Variants in AIG1 observed in about 807,000 individuals in gnomAD.
AIG1 encodes the protein androgen-induced gene 1 protein.
AIG1 carries 23 observed loss-of-function variants against 31.4 expected under a neutral mutation model. That is an observed-to-expected ratio of 0.73 (90% confidence interval 0.53 to 1.04). The LOEUF (loss-of-function observed/expected upper bound fraction) is 1.04, where lower values mean the gene tolerates loss of function less well. AIG1 is among the 50% of genes least tolerant of loss of function. The pLI, the probability that AIG1 is intolerant of heterozygous loss-of-function variation, is 0.00. For missense variants in AIG1, 274 were observed against 295.0 expected (o/e 0.93, Z 0.52); for synonymous variants, 100 against 110.5 (o/e 0.90, Z 0.60).
chr6:143,101,141 G>A (rs1780239948), intron 1 of AIG1, among the ~76,000 whole-genome samples: 1 of 151,910 alleles, frequency 6.6e-6, no homozygotes, highest in African/African-American at 2.4e-5. Context: ...TTATTAAAGT[G>A]AGATGTCAGG....
At chr6:143,150,689 C>CA (rs1021049817) in intron 2 of AIG1, among the ~76,000 whole-genome samples, 6 of 151,008 alleles carry the variant, frequency 4.0e-5, no homozygotes, top group African/African-American at 9.7e-5. Flanking sequence ...GAGTCTCAAG[C>CA]AAAAAAAGGG....
At chr6:143,281,412 A>C (rs369201489) in intron 3 of AIG1, among the ~76,000 whole-genome samples, 2 of 152,352 alleles carry the variant, frequency 1.3e-5, no homozygotes, top group East Asian at 3.9e-4. Flanking sequence ...GTTCTTATGC[A>C]GTGATGATTT....
chr6:143,084,969 C>T (rs965194599), intron 1 of AIG1, among the ~76,000 whole-genome samples: 4 of 152,136 alleles, frequency 2.6e-5, no homozygotes, highest in Non-Finnish European at 2.9e-5. Flanking sequence ...TATCAGAGAT[C>T]GCCAAACTCT....
intron 3 of AIG1, among the ~76,000 whole-genome samples, chr6:143,183,102 G>C (rs1410959139): frequency 6.6e-6 from 1 of 152,062 alleles, no homozygotes; most frequent in Non-Finnish European, 1.5e-5. Context: ...CTACAGGTCA[G>C]CCTGGCTCAA....
In AIG1 at chr6:143,329,701, A is replaced by G. The variant is rs997868744; in HGVS notation, c.516-3581A>G. On this transcript the variant is annotated intron_variant, in intron 4 of 5. Transcript: ENST00000357847. This position sits in a 1 kb window ranked among gnomAD's most constrained non-coding sequence, Gnocchi z 4.9. Reference sequence around the variant, plus strand: ...GGATTTTTGTTTGTTTGTTTGTTTTATGACTCAAAAGCTAAGAATGGTTTT... The same window carrying G: ...GGATTTTTGTTTGTTTGTTTGTTTTGTGACTCAAAAGCTAAGAATGGTTTT... Among the ~76,000 whole-genome samples the G allele has an allele frequency of 1.3e-5, 2 of 152,152 alleles. No homozygotes were observed.
intron 2 of AIG1, among the ~76,000 whole-genome samples, chr6:143,139,409 C>T (rs1327141864): frequency 6.6e-6 from 1 of 151,666 alleles, no homozygotes; most frequent in Non-Finnish European, 1.5e-5. Context: ...TGCGCCAGGG[C>T]CTCCCGTGTC....
chr6:143,302,674 G>T (rs548846023), intron 4 of AIG1, among the ~76,000 whole-genome samples: 6 of 152,038 alleles, frequency 3.9e-5, no homozygotes, highest in African/African-American at 1.2e-4. Context: ...GAATAGTGCC[G>T]CAATAAACAT....
intron 2 of AIG1, among the ~76,000 whole-genome samples, chr6:143,137,325 CATATT>C (rs946067987): frequency 2.0e-4 from 31 of 152,284 alleles, no homozygotes; most frequent in African/African-American, 7.2e-4. Context: ...GTATAGCAGT[CATATT>C]AGATTAGGGC....
intron 1 of AIG1, among the ~76,000 whole-genome samples, chr6:143,077,543 G>A (rs1777844044): frequency 6.6e-6 from 1 of 152,202 alleles, no homozygotes; most frequent in South Asian, 2.1e-4. Context: ...GATTTCTGAA[G>A]AGAAATTTGC....
At chr6:143,188,167 G>A in intron 3 of AIG1, 1 of 998,754 alleles carries the variant, frequency 1.0e-6, no homozygotes, top group Non-Finnish European at 1.2e-6. Flanking sequence ...AAGATGGGAG[G>A]AAGAGGTATC....
intron 2 of AIG1, among the ~76,000 whole-genome samples, chr6:143,142,044 CAATT>C (rs967932268): frequency 1.3e-5 from 2 of 151,930 alleles, no homozygotes; most frequent in Non-Finnish European, 2.9e-5. Context: ...TGAAAAAGAA[CAATT>C]ATTTATATAT....
intron 3 of AIG1, among the ~76,000 whole-genome samples, chr6:143,219,974 C>T (rs1792342430): frequency 6.6e-6 from 1 of 152,170 alleles, no homozygotes; most frequent in South Asian, 2.1e-4. Flanking sequence ...TTGCCAGATG[C>T]TTCCTTTGTC....
chr6:143,306,218 C>A (rs1395202767), intron 4 of AIG1, among the ~76,000 whole-genome samples: 6 of 151,794 alleles, frequency 4.0e-5, no homozygotes, highest in African/African-American at 1.5e-4. Context: ...GCATTTAGTC[C>A]ATTTACATTT....
At chr6:143,097,171 TC>T (rs1230818237) in intron 1 of AIG1, among the ~76,000 whole-genome samples, 1 of 152,016 alleles carries the variant, frequency 6.6e-6, no homozygotes, top group Non-Finnish European at 1.5e-5. Flanking sequence ...TTTTTTTTTT[TC>T]CTAAGAGAAT....
At chr6:143,189,484 G>T (rs760001747) in intron 3 of AIG1, 187 of 984,956 alleles carry the variant, frequency 1.9e-4, no homozygotes, top group Non-Finnish European at 2.1e-4. Context: ...CAAGCTTGAT[G>T]ATATTTCATT....
intron 2 of AIG1, among the ~76,000 whole-genome samples, chr6:143,157,923 A>T (rs1304393318): frequency 6.6e-6 from 1 of 151,932 alleles, no homozygotes; most frequent in Admixed American, 6.6e-5. Flanking sequence ...ATTTCTTGTG[A>T]TTATGCATTC....
upstream of AIG1, chr6:143,060,872 C>G: frequency 8.0e-7 from 1 of 1,251,818 alleles, no homozygotes; most frequent in Non-Finnish European, 1.0e-6. Context: ...GCGCCCGGCG[C>G]CTCCCTCACG....
chr6:143,339,737 C>A lies in AIG1; in HGVS notation c.*61C>A. The stretch of plus-strand genomic sequence containing the variant: ...CCATTGAAGACTCCTTCCCCTCGGG[C>A]ATTGGCAGTGGGGGAGAAAAGGCTT... On this transcript the variant is annotated 3_prime_UTR_variant, in exon 6 of 6. Transcript: ENST00000357847. 6.3e-7 allele frequency: 1 copy of A among 1,575,864 alleles called. No homozygotes were observed. The highest frequency in any genetic ancestry group is 8.7e-7 in the Non-Finnish European group (1 of 1,153,328).
intron 3 of AIG1, among the ~76,000 whole-genome samples, chr6:143,224,009 T>G (rs1018646734): frequency 2.6e-5 from 4 of 152,174 alleles, no homozygotes; most frequent in African/African-American, 9.7e-5. Context: ...GAACGTCTCC[T>G]GCCTGCCCTG....
Sources: gnomAD v4.1 joint callset for allele counts (sites outside exome capture counted in the v4.1 genomes callset) on GRCh38, gnomAD v4.1.1 for gene constraint, Gnocchi (gnomAD v3.1) non-coding constraint, MANE v1.5 for transcripts, NCBI Gene and HGNC (gene_info 2026-07-23, HGNC 2026-07-21) for gene names.